The following RUSC2 variants were observed in gnomAD, a reference collection of about 807,000 sequenced individuals.
RUSC2 encodes AP-4 complex accessory subunit RUSC2.
RUSC2 carries 34 observed loss-of-function variants against 122.2 expected under a neutral mutation model. The observed-to-expected ratio is 0.28, with a 90% CI of 0.21 to 0.37. The LOEUF is 0.37. Ranked by LOEUF, RUSC2 falls within the 10% of genes least tolerant of loss-of-function variation. RUSC2 has a pLI of 1.00. For synonymous variants in RUSC2, 784 were observed against 790.0 expected (o/e 0.99, Z 0.13); for missense variants, 1,747 against 1,952.4 (o/e 0.89, Z 1.98).
At chr9:35,497,782 G>T (rs1230891843) in intron 1 of RUSC2, among the ~76,000 whole-genome samples, 1 of 152,206 alleles carries the variant, frequency 6.6e-6, no homozygotes, top group Non-Finnish European at 1.5e-5. Context: ...TGGGCATGCA[G>T]ATTCAGTCTC....
At chr9:35,550,838 G>C (rs1376232663) in intron 2 of RUSC2, among the ~76,000 whole-genome samples, 2 of 151,944 alleles carry the variant, frequency 1.3e-5, no homozygotes, top group African/African-American at 4.8e-5. Context: ...CACTTCGGGA[G>C]GCCGAGGTGC....
At position 35,560,271 on chromosome 9, in the gene RUSC2, G is replaced by A. The variant is rs1343722521; in HGVS notation, c.3631G>A (p.Ala1211Thr). ...SAHSTLQLAR[A>T]RGQEGPGDVD... ...CCACTCCACGCTGCAGCTGGCCCGG[G>A]CCCGGGGCCAGGAGGGCCCTGGAGA... is the stretch of plus-strand genomic sequence containing the variant. The change falls in exon 10 of 12, where the codon GCC becomes ACC. Residue 1211 changes from alanine (A) to threonine (T), a missense_variant. Transcript: ENST00000361226. The A allele has an allele frequency of 1.9e-6, 3 of 1,590,704 alleles. No individual in the cohort carries two copies. Among genetic ancestry groups the A allele is most frequent in the Admixed American group, 1.7e-5 (1 of 58,242 alleles).
chr9:35,544,307 C>CTTTTTTTTTTTTTTTTTTTTTTTTTTTT lies in RUSC2; in HGVS notation c.-92-2104_-92-2103insTTTTTTTTTTTTTTTTTTTTTTTTTTTT, dbSNP rs55870659. Reference sequence around the variant, plus strand: ...CCCTGTCTTAAACTGGATCATATGTCTTTTTTTTTTTTTTTTTTTGAGACA... The same window carrying CTTTTTTTTTTTTTTTTTTTTTTTTTTTT: ...CCCTGTCTTAAACTGGATCATATGTCTTTTTTTTTTTTTTTTTTTTTTTTTTTTTTTTTTTTTTTTTTTTTTTGAGACA... On this transcript the variant is annotated intron_variant, in intron 1 of 11. Coordinates refer to ENST00000361226, the MANE Select transcript of RUSC2 (RefSeq NM_014806.5). Among the ~76,000 whole-genome samples, 3 of 113,116 alleles carry CTTTTTTTTTTTTTTTTTTTTTTTTTTTT rather than the reference C, an allele frequency of 2.7e-5. 1 individual carries two copies. Among genetic ancestry groups the CTTTTTTTTTTTTTTTTTTTTTTTTTTTT allele is most frequent in the South Asian group, 6.0e-4 (2 of 3,358 alleles). The allele number at this position is 113,116 out of a possible 152,430, so 74.2% of individuals were successfully genotyped here.
chr9:35,497,437 C>G (rs1820740290), intron 1 of RUSC2, among the ~76,000 whole-genome samples: 2 of 152,124 alleles, frequency 1.3e-5, no homozygotes, highest in Admixed American at 1.3e-4. Flanking sequence ...GAATTTGTTC[C>G]ATGGGTCAAC....
intron 2 of RUSC2, among the ~76,000 whole-genome samples, chr9:35,550,103 T>C (rs567137875): frequency 9.3e-5 from 14 of 149,852 alleles, no homozygotes; most frequent in Non-Finnish European, 3.0e-5. Flanking sequence ...TCCCAGCTAC[T>C]CTGGAGGCTG....
At chr9:35,539,560 CAT>C (rs1821601551) in intron 1 of RUSC2, among the ~76,000 whole-genome samples, 1 of 117,484 alleles carries the variant, frequency 8.5e-6, no homozygotes, top group Admixed American at 9.8e-5. Context: ...CACACACACA[CAT>C]ACATACATAC....
intron 2 of RUSC2, among the ~76,000 whole-genome samples, chr9:35,552,843 G>A (rs1465819991): frequency 6.6e-6 from 1 of 152,198 alleles, no homozygotes; most frequent in East Asian, 1.9e-4. Flanking sequence ...TATTCCCTGA[G>A]GGTAGAACTA....
In RUSC2 at chr9:35,560,961, C is replaced by T. The variant is rs942644912; in HGVS notation, c.4213C>T (p.Leu1405Phe). 2 of 1,613,526 alleles carry T rather than the reference C, an allele frequency of 1.2e-6. No homozygotes were observed. Among genetic ancestry groups the T allele is most frequent in the Non-Finnish European group, 8.5e-7 (1 of 1,179,636 alleles). ...CCTGAGTCCAGCTGCTGTCCCTAGG[C>T]TCCCCTCGGACTGGCTGAGCCTGGA... ...AQREARPTNR[L>F]PSDWLSLDKS... The change falls in exon 11 of 12, where the codon CTC (leucine) becomes TTC (phenylalanine). Residue 1405 changes from leucine to phenylalanine, a missense_variant and splice_region_variant. Coordinates refer to ENST00000361226, the MANE Select transcript of RUSC2 (RefSeq NM_014806.5).
At chr9:35,559,720 G>C (rs1483493901) in intron 9 of RUSC2, among the ~76,000 whole-genome samples, 1 of 152,192 alleles carries the variant, frequency 6.6e-6, no homozygotes, top group South Asian at 2.1e-4. Context: ...GGGCAACAGA[G>C]TGAGACTCAG....
intron 1 of RUSC2, among the ~76,000 whole-genome samples, chr9:35,528,775 A>G (rs970024240): frequency 6.6e-6 from 1 of 152,148 alleles, no homozygotes; most frequent in Non-Finnish European, 1.5e-5. Flanking sequence ...CAAAGCACTG[A>G]TATTTTACTT....
chr9:35,500,992 T>C (rs1820809281), intron 1 of RUSC2, among the ~76,000 whole-genome samples: 1 of 152,242 alleles, frequency 6.6e-6, no homozygotes, highest in Admixed American at 6.5e-5. Flanking sequence ...GATGAATAGC[T>C]AACAAGGAGC....
intron 1 of RUSC2, among the ~76,000 whole-genome samples, chr9:35,524,070 T>A (rs1033399810): frequency 6.6e-6 from 1 of 152,132 alleles, no homozygotes; most frequent in Non-Finnish European, 1.5e-5. Context: ...ATGCCTGTAA[T>A]CCCAGCACTT....
At chr9:35,542,356 G>C (rs912695731) in intron 1 of RUSC2, among the ~76,000 whole-genome samples, 20 of 152,154 alleles carry the variant, frequency 1.3e-4, no homozygotes, top group African/African-American at 4.8e-4. Flanking sequence ...ATGGTCTTAG[G>C]ACAGGTAAAG....
Position 35,555,136 on chromosome 9 carries a change from C to T in RUSC2, c.2091C>T (p.Phe697=), listed in dbSNP as rs752999651. 5.0e-6 allele frequency: 8 copies of T among 1,613,778 alleles called. No homozygotes were observed. Among genetic ancestry groups the T allele is most frequent in the Admixed American group, 3.3e-5 (2 of 60,006 alleles). ...QRPTTLPIQP[F]VFQHHFPKQL... ...CAACCACACTGCCCATCCAGCCCTT[C>T]GTGTTCCAGCACCACTTCCCCAAGC... The change falls in exon 3 of 12, where the codon TTC becomes TTT. Residue 697 remains phenylalanine, a synonymous_variant. Coordinates refer to ENST00000361226, the MANE Select transcript of RUSC2 (RefSeq NM_014806.5). This position sits in a 1 kb window ranked among gnomAD's most constrained non-coding sequence, Gnocchi z 4.6.
Position 35,555,923 on chromosome 9 carries a change from G to T in RUSC2, c.2657-29G>T. The T allele has an allele frequency of 6.2e-7, 1 of 1,603,860 alleles. No individual in the cohort carries two copies. On this transcript the variant is annotated intron_variant, in intron 3 of 11. Coordinates refer to ENST00000361226, the MANE Select transcript of RUSC2 (RefSeq NM_014806.5). The surrounding 1 kb of genome is among the most constrained non-coding windows in gnomAD (Gnocchi z 4.6). ...GTCTCGCTGTCTCCTGCCAACTCTT[G>T]TCTTTCTGCTAATCTGTTCTGCTTC...
intron 1 of RUSC2, among the ~76,000 whole-genome samples, chr9:35,505,679 A>G (rs1223681107): frequency 6.6e-6 from 1 of 152,140 alleles, no homozygotes; most frequent in African/African-American, 2.4e-5. Flanking sequence ...CCACTATTAT[A>G]ATAATTTTAG....
intron 2 of RUSC2, among the ~76,000 whole-genome samples, chr9:35,554,604 G>A (rs1236348077): frequency 2.0e-5 from 3 of 152,102 alleles, no homozygotes; most frequent in Non-Finnish European, 4.4e-5. Context: ...GGAAGTCATC[G>A]GAAAAAAGGA....
In RUSC2 at chr9:35,556,530, A is replaced by ACCTCTAAGTGCTGGCTAGGC; in HGVS notation, c.2983+98_2983+99insAGGCCCTCTAAGTGCTGGCT. Reference sequence around the variant, plus strand: ...TGCCCTACTACCTAGCCAGTCTGAAACCTCTAAGTGCTGGCTGGGCCCAGT... The same window carrying ACCTCTAAGTGCTGGCTAGGC: ...TGCCCTACTACCTAGCCAGTCTGAAACCTCTAAGTGCTGGCTAGGCCCTCTAAGTGCTGGCTGGGCCCAGT... On this transcript the variant is annotated intron_variant, in intron 5 of 11. Transcript: ENST00000361226. 16 of 1,327,956 alleles carry ACCTCTAAGTGCTGGCTAGGC rather than the reference A, an allele frequency of 1.2e-5. No individual in the cohort carries two copies. In the South Asian group the frequency reaches 2.1e-4, roughly 17 times the overall value. 82.3% of individuals were successfully genotyped at this position (1,327,956 alleles called of 1,614,324 possible).
intron 9 of RUSC2, 73 bp downstream of exon 9, chr9:35,559,345 G>C: frequency 4.6e-6 from 6 of 1,294,824 alleles, no homozygotes; most frequent in South Asian, 1.2e-5. Context: ...AGGAAGAGCT[G>C]TCTTTTCATT....
Sources: gnomAD v4.1 joint callset for allele counts (sites outside exome capture counted in the v4.1 genomes callset) on GRCh38, gnomAD v4.1.1 for gene constraint, Gnocchi (gnomAD v3.1) non-coding constraint, MANE v1.5 for transcripts, NCBI Gene and HGNC (gene_info 2026-07-23, HGNC 2026-07-21) for gene names.